Variants in ADAMTSL1 observed in about 807,000 individuals in gnomAD.
ADAMTSL1 encodes the protein ADAMTS like 1.
A neutral mutation model predicts 201.8 loss-of-function variants in ADAMTSL1; 126 were observed. That is an observed-to-expected ratio of 0.62 (90% confidence interval 0.54 to 0.72). The LOEUF (loss-of-function observed/expected upper bound fraction) is 0.72. Among genes scored for constraint, ADAMTSL1 ranks in the 30% least tolerant of loss-of-function variants. The probability of loss-of-function intolerance (pLI) is 0.00; values close to 1 mark genes in which losing one functional copy is unlikely to be tolerated. For synonymous variants in ADAMTSL1, 1,121 were observed against 903.4 expected, an observed-to-expected ratio of 1.24 and a Z score of -4.32; for missense variants, 2,679 against 2,277.8, an observed-to-expected ratio of 1.18 and a Z score of -3.59.
intron 15 of ADAMTSL1, among the ~76,000 whole-genome samples, chr9:18,724,867 T>C (rs1212269539): frequency 6.6e-6 from 1 of 151,852 alleles, no homozygotes; most frequent in Non-Finnish European, 1.5e-5. Flanking sequence ...AGCTTAAGGA[T>C]TTAAATGCCA....
chr9:18,269,928 A>G (rs1832291890), intron 2 of ADAMTSL1, among the ~76,000 whole-genome samples: 1 of 151,508 alleles, frequency 6.6e-6, no homozygotes, highest in South Asian at 2.1e-4. Flanking sequence ...TTAGCTCAAT[A>G]CAGTGAAATC....
chr9:18,662,753 G>A (rs1008447238), intron 9 of ADAMTSL1, among the ~76,000 whole-genome samples: 1 of 152,208 alleles, frequency 6.6e-6, no homozygotes, highest in African/African-American at 2.4e-5. Flanking sequence ...TCTGCCTGAT[G>A]AATGAATTAT....
intron 20 of ADAMTSL1, among the ~76,000 whole-genome samples, chr9:18,811,940 G>A (rs966108861): frequency 8.5e-5 from 13 of 152,054 alleles, no homozygotes; most frequent in Admixed American, 5.9e-4. Flanking sequence ...TCTGATGAAA[G>A]AAATTAAAGA....
At chr9:18,894,345 C>CTTTT (rs56112949) in intron 26 of ADAMTSL1, among the ~76,000 whole-genome samples, 4 of 124,040 alleles carry the variant, frequency 3.2e-5, no homozygotes, top group Admixed American at 1.7e-4. Context: ...AAAACCTTGT[C>CTTTT]TTTTTTTTTT....
chr9:18,118,728 C>A (rs1479241555), intron 1 of ADAMTSL1, among the ~76,000 whole-genome samples: 1 of 152,200 alleles, frequency 6.6e-6, no homozygotes, highest in South Asian at 2.1e-4. Context: ...CCTGCAATGT[C>A]ATCTGCATTG....
In ADAMTSL1 at chr9:18,434,250, G is replaced by A. The variant is rs183367431; in HGVS notation, c.208-70579G>A. On this transcript the variant is annotated intron_variant, in intron 2 of 29. Transcript: ENST00000680146. ...AAAAGCTTTGGGCAAGGTCCTTATG[G>A]GCCCATTTTCATGAAAAAAACAAGA... 6.1e-4 allele frequency among the ~76,000 whole-genome samples: 92 copies of A among 152,054 alleles called. 1 individual carries two copies. The highest frequency in any genetic ancestry group is 8.5e-4 in the Admixed American group (13 of 15,286).
chr9:18,837,950 T>C (rs1379738640), intron 23 of ADAMTSL1, among the ~76,000 whole-genome samples: 3 of 152,160 alleles, frequency 2.0e-5, no homozygotes, highest in Non-Finnish European at 4.4e-5. Context: ...CTCTGTGTCC[T>C]TCATCCTGTC....
chr9:18,478,318 T>C (rs925034794), intron 1 of ADAMTSL1, among the ~76,000 whole-genome samples: 2 of 152,168 alleles, frequency 1.3e-5, no homozygotes, highest in African/African-American at 4.8e-5. Context: ...TCTGGTGTTT[T>C]GGTTCTCCCC....
intron 2 of ADAMTSL1, among the ~76,000 whole-genome samples, chr9:18,455,085 T>C (rs1207379740): frequency 6.6e-6 from 1 of 152,144 alleles, no homozygotes; most frequent in East Asian, 1.9e-4. Context: ...TTCCTGTGGA[T>C]CTCTAAAATT....
chr9:18,670,282 C>A (rs138024206), intron 9 of ADAMTSL1, among the ~76,000 whole-genome samples: 21 of 152,256 alleles, frequency 1.4e-4, no homozygotes, highest in Admixed American at 6.5e-4. Context: ...CAAAGCAGCA[C>A]GGTATCTGAA....
At chr9:18,714,657 T>A (rs1445856565) in intron 14 of ADAMTSL1, among the ~76,000 whole-genome samples, 1 of 150,132 alleles carries the variant, frequency 6.7e-6, no homozygotes, top group Non-Finnish European at 1.5e-5. Context: ...ACAGCCGAAT[T>A]CTACCAGAGG....
At chr9:17,952,013 C>A (rs544103485) in intron 1 of ADAMTSL1, among the ~76,000 whole-genome samples, 1 of 152,048 alleles carries the variant, frequency 6.6e-6, no homozygotes, top group African/African-American at 2.4e-5. Flanking sequence ...ATTGCCCAGG[C>A]TAGTCTTGAA....
At chr9:18,258,649 C>A (rs931923945) in intron 2 of ADAMTSL1, among the ~76,000 whole-genome samples, 2 of 152,200 alleles carry the variant, frequency 1.3e-5, no homozygotes, top group African/African-American at 4.8e-5. Flanking sequence ...GCACCAGGAT[C>A]CCCGCCCGCA....
chr9:18,904,876 A>C (rs536725122), intron 26 of ADAMTSL1, among the ~76,000 whole-genome samples: 1 of 151,914 alleles, frequency 6.6e-6, no homozygotes, highest in African/African-American at 2.4e-5. Context: ...TTTTACCTTA[A>C]ATCCTGCTCT....
At chr9:18,760,265 T>C (rs558626479) in intron 16 of ADAMTSL1, among the ~76,000 whole-genome samples, 1 of 152,142 alleles carries the variant, frequency 6.6e-6, no homozygotes, top group South Asian at 2.1e-4. Context: ...CCCCCACCAC[T>C]CTCTTCCTTT....
At chr9:18,301,608 C>G (rs770839126) in intron 2 of ADAMTSL1, among the ~76,000 whole-genome samples, 3 of 152,180 alleles carry the variant, frequency 2.0e-5, no homozygotes, top group Non-Finnish European at 2.9e-5. Context: ...TGTGATCTCT[C>G]TCTCAAAATC....
chr9:18,309,826 A>G (rs1587523423), intron 2 of ADAMTSL1, among the ~76,000 whole-genome samples: 1 of 152,254 alleles, frequency 6.6e-6, no homozygotes, highest in Middle Eastern at 3.4e-3. Flanking sequence ...AGAATTAAAA[A>G]AAAAACACTA....
intron 2 of ADAMTSL1, among the ~76,000 whole-genome samples, chr9:18,201,872 G>A (rs184576227): frequency 3.3e-5 from 5 of 152,050 alleles, no homozygotes; most frequent in African/African-American, 1.2e-4. Context: ...GTTTTGCTTT[G>A]ATCATTCATT....
At chr9:18,164,660 A>G (rs781620766) in intron 2 of ADAMTSL1, among the ~76,000 whole-genome samples, 2 of 151,818 alleles carry the variant, frequency 1.3e-5, no homozygotes, top group Non-Finnish European at 2.9e-5. Context: ...AAGTATTCAT[A>G]TTAGAATTAG....
Sources: gnomAD v4.1 joint callset for allele counts (sites outside exome capture counted in the v4.1 genomes callset) on GRCh38, gnomAD v4.1.1 for gene constraint, MANE v1.5 for transcripts, NCBI Gene and HGNC (gene_info 2026-07-23, HGNC 2026-07-21) for gene names.